Variants in PRKCE observed in about 807,000 individuals in gnomAD.
PRKCE encodes protein kinase C epsilon, also known as protein kinase C epsilon type.
PRKCE carries 16 observed loss-of-function variants against 85.4 expected under a neutral mutation model. The observed-to-expected ratio is 0.19, with a 90% CI of 0.13 to 0.28. The LOEUF (loss-of-function observed/expected upper bound fraction) is 0.28. Among genes scored for constraint, PRKCE ranks in the 10% least tolerant of loss-of-function variants. PRKCE has a pLI of 1.00. For synonymous variants in PRKCE, 388 were observed against 371.5 expected, an observed-to-expected ratio of 1.04 and a Z score of -0.51; for missense variants, 573 against 975.2, an observed-to-expected ratio of 0.59 and a Z score of 5.49.
chr2:45,676,892 G>C (rs1216941760), intron 1 of PRKCE: 2 of 152,154 alleles, frequency 1.3e-5, no homozygotes, highest in African/African-American at 4.8e-5. Flanking sequence ...TGCCTAGATA[G>C]GTACCCTAAT....
chr2:45,720,646 T>C (rs953520358), intron 1 of PRKCE, among the ~76,000 whole-genome samples: 3 of 152,146 alleles, frequency 2.0e-5, no homozygotes, highest in African/African-American at 7.2e-5. Context: ...CCAAACTTGA[T>C]GTATTGATGC....
At chr2:45,980,740 C>A (rs1702821934) in intron 5 of PRKCE, among the ~76,000 whole-genome samples, 1 of 103,410 alleles carries the variant, frequency 9.7e-6, no homozygotes, top group Admixed American at 1.2e-4. Context: ...GAAACACAAG[C>A]AGGAACCTTG....
Position 46,004,628 on chromosome 2 carries a change from T to C in PRKCE, c.1053T>C (p.Pro351=). The C allele has an allele frequency of 6.3e-7, 1 of 1,584,136 alleles. No individual in the cohort carries two copies. The highest frequency in any genetic ancestry group is 8.5e-7 in the Non-Finnish European group (1 of 1,172,016). Residue 351 remains proline, a synonymous_variant, in exon 8 of 15, where the codon CCT becomes CCC. Transcript: ENST00000306156. The surrounding 1 kb of genome is among the most constrained non-coding windows in gnomAD (Gnocchi z 4.1). ...GATCCAAGTCAGCACCCACCTCCCC[T>C]TGTGACCAGGGTGAGACCCTCAGAT... ...EDRSKSAPTS[P]CDQEIKELEN...
At chr2:46,058,572 C>T (rs181071956) in intron 10 of PRKCE, among the ~76,000 whole-genome samples, 3 of 152,244 alleles carry the variant, frequency 2.0e-5, no homozygotes, top group Non-Finnish European at 2.9e-5. Flanking sequence ...AAGATGTGAA[C>T]GCCAGACTCA....
chr2:46,179,405 T>C (rs1679751796), intron 14 of PRKCE, among the ~76,000 whole-genome samples: 2 of 152,094 alleles, frequency 1.3e-5, no homozygotes, highest in Admixed American at 1.3e-4. Flanking sequence ...CAGAGCTGCC[T>C]GAGCTCTGAG....
At chr2:46,080,724 TGGG>T (rs1668991495) in intron 10 of PRKCE, among the ~76,000 whole-genome samples, 1 of 152,150 alleles carries the variant, frequency 6.6e-6, no homozygotes, top group African/African-American at 2.4e-5. Context: ...TAGTATTGCT[TGGG>T]ATTGCTAGGA....
chr2:45,915,845 T>C (rs1697732365), intron 2 of PRKCE, among the ~76,000 whole-genome samples: 5 of 152,086 alleles, frequency 3.3e-5, no homozygotes, highest in Admixed American at 2.6e-4. Flanking sequence ...CATCCTCCTC[T>C]CCCACTGTCC....
intron 1 of PRKCE, among the ~76,000 whole-genome samples, chr2:45,732,310 C>G (rs56081626): frequency 1.3e-5 from 2 of 152,146 alleles, no homozygotes; most frequent in Admixed American, 1.3e-4. Context: ...TAAGTACATT[C>G]TACCCAGGTT....
chr2:45,844,845 A>G (rs1209540093), intron 2 of PRKCE, among the ~76,000 whole-genome samples: 1 of 152,246 alleles, frequency 6.6e-6, no homozygotes, highest in Non-Finnish European at 1.5e-5. Context: ...AAATGAATGA[A>G]TAAATAAATC....
intron 2 of PRKCE, among the ~76,000 whole-genome samples, chr2:45,964,604 G>T (rs913695577): frequency 1.1e-4 from 16 of 152,234 alleles, no homozygotes; most frequent in African/African-American, 3.6e-4. Context: ...AACTGTGAAT[G>T]GATGGAGGAG....
chr2:45,864,656 T>C (rs1282739155), intron 2 of PRKCE, among the ~76,000 whole-genome samples: 1 of 152,212 alleles, frequency 6.6e-6, no homozygotes, highest in Non-Finnish European at 1.5e-5. Context: ...TACCAAGGGA[T>C]CCCAGGTTGC....
At chr2:45,871,010 C>A (rs1694050103) in intron 2 of PRKCE, among the ~76,000 whole-genome samples, 1 of 152,194 alleles carries the variant, frequency 6.6e-6, no homozygotes, top group Non-Finnish European at 1.5e-5. Flanking sequence ...AACAGCGGGG[C>A]CTGGTTGTCA....
chr2:45,920,282 G>C (rs1223099272), intron 2 of PRKCE, among the ~76,000 whole-genome samples: 1 of 152,120 alleles, frequency 6.6e-6, no homozygotes. Context: ...CCTCAGCTTG[G>C]GGCTTTCTAA....
intron 2 of PRKCE, among the ~76,000 whole-genome samples, chr2:45,951,151 G>A (rs1390204102): frequency 2.6e-5 from 4 of 152,218 alleles, no homozygotes; most frequent in African/African-American, 9.7e-5. Flanking sequence ...TTCCTGGGGA[G>A]TTGATTAAAG....
intron 14 of PRKCE, among the ~76,000 whole-genome samples, chr2:46,182,821 G>A (rs564560514): frequency 1.3e-5 from 2 of 152,242 alleles, no homozygotes; most frequent in African/African-American, 4.8e-5. Context: ...AGGCCTTTCC[G>A]GCTTTATTTT....
chr2:46,030,256 C>A (rs1037771748), intron 10 of PRKCE, among the ~76,000 whole-genome samples: 1 of 152,196 alleles, frequency 6.6e-6, no homozygotes, highest in African/African-American at 2.4e-5. Context: ...AGAAAGACAG[C>A]AGACTTGTTG....
chr2:45,970,883 G>C (rs542936432), intron 2 of PRKCE, among the ~76,000 whole-genome samples: 1 of 149,084 alleles, frequency 6.7e-6, no homozygotes, highest in Non-Finnish European at 1.5e-5. Context: ...CTATATTATG[G>C]ATCAATATAT....
At chr2:45,792,218 A>G (rs1687089280) in intron 1 of PRKCE, among the ~76,000 whole-genome samples, 1 of 152,074 alleles carries the variant, frequency 6.6e-6, no homozygotes, top group Non-Finnish European at 1.5e-5. Flanking sequence ...CCTGGCTTTT[A>G]ACAACCCAGT....
At chr2:45,655,353 A>ATTT (rs66793925) in intron 1 of PRKCE, among the ~76,000 whole-genome samples, 2 of 145,190 alleles carry the variant, frequency 1.4e-5, no homozygotes, top group African/African-American at 5.1e-5. Flanking sequence ...GTTTTTTTGC[A>ATTT]TTTTTTTTTT....
Sources: gnomAD v4.1 joint callset for allele counts (sites outside exome capture counted in the v4.1 genomes callset) on GRCh38, gnomAD v4.1.1 for gene constraint, Gnocchi (gnomAD v3.1) non-coding constraint, MANE v1.5 for transcripts, NCBI Gene and HGNC (gene_info 2026-07-23, HGNC 2026-07-21) for gene names.